The following LANCL2 variants were observed in gnomAD, a reference collection of about 807,000 sequenced individuals.
LANCL2 encodes lanC-like protein 2.
Under a neutral mutation model 56.9 loss-of-function variants are expected in LANCL2, and 33 were observed. That is an observed-to-expected ratio of 0.58 (90% confidence interval 0.44 to 0.78). The LOEUF is 0.78. Ranked by LOEUF, LANCL2 falls within the 30% of genes least tolerant of loss-of-function variation. The pLI is 0.00. For synonymous variants in LANCL2, 233 were observed against 228.2 expected (o/e 1.02, Z -0.19); for missense variants, 562 against 580.2 (o/e 0.97, Z 0.32).
intron 1 of LANCL2, chr7:55,379,822 A>C (rs1314226630): frequency 6.6e-6 from 1 of 152,444 alleles, no homozygotes; most frequent in Non-Finnish European, 1.5e-5. Context: ...GCAAATCCAG[A>C]AAGCATTGCT....
chr7:55,402,280 G>A (rs1281688321), intron 5 of LANCL2, among the ~76,000 whole-genome samples: 151 of 87,984 alleles, frequency 1.7e-3, no homozygotes, highest in Middle Eastern at 8.1e-3. Flanking sequence ...CGGACGGGGC[G>A]GCTGGCCGGG....
At chr7:55,411,876 T>C (rs1790473653) in intron 5 of LANCL2, 31 bp from the exon 6 acceptor site, 2 of 1,585,444 alleles carry the variant, frequency 1.3e-6, no homozygotes, top group Non-Finnish European at 1.7e-6. Context: ...TCAGAGAAAA[T>C]AATTTGTGTT....
In LANCL2 at chr7:55,366,097, C is replaced by A; in HGVS notation, c.72C>A (p.Phe24Leu). Reference sequence around the variant, plus strand: ...AGGCAGAAATGGAGGAACGGGCGTTCGTCAACCCCTTCCCGGACTACGAGG... The same window carrying A: ...AGGCAGAAATGGAGGAACGGGCGTTAGTCAACCCCTTCCCGGACTACGAGG... ...GGEAEMEERA[F>L]VNPFPDYEAA... Residue 24 changes from phenylalanine to leucine, a missense_variant, in exon 1 of 9, where the codon TTC (phenylalanine) becomes TTA (leucine). Physicochemically the swap from Phe to Leu is conservative, Grantham distance 22. Transcript: ENST00000254770. 6.5e-7 allele frequency: 1 copy of A among 1,538,764 alleles called. No homozygotes were observed. The highest frequency in any genetic ancestry group is 8.8e-7 in the Non-Finnish European group (1 of 1,138,740).
rs115910634 is a variant in LANCL2, at chr7:55,412,105, G to A, written c.1008+16G>A. On this transcript the variant is annotated intron_variant, in intron 6 of 8. Transcript: ENST00000254770. ...GGCGTACAAGGTCAGTGCTTCCGCC[G>A]TCACGGCCGTCCCCTGTGTGGGGAG... The A allele has an allele frequency of 1.1e-3, 1,809 of 1,602,570 alleles. 22 individuals carry two copies. In the African/African-American group the frequency reaches 0.021, roughly 18 times the overall value.
chr7:55,421,869 T>C (rs1467908367), intron 6 of LANCL2, among the ~76,000 whole-genome samples: 1 of 152,130 alleles, frequency 6.6e-6, no homozygotes, highest in Non-Finnish European at 1.5e-5. Flanking sequence ...ACTAATACAA[T>C]GTTAGAATTT....
At chr7:55,394,576 G>T (rs780472024) in intron 2 of LANCL2, among the ~76,000 whole-genome samples, 5 of 152,146 alleles carry the variant, frequency 3.3e-5, no homozygotes, top group Non-Finnish European at 7.3e-5. Context: ...AGAAGAAGAA[G>T]AATGAATGAA....
chr7:55,374,355 A>G (rs1207074182), intron 1 of LANCL2, among the ~76,000 whole-genome samples: 1 of 152,224 alleles, frequency 6.6e-6, no homozygotes, highest in Non-Finnish European at 1.5e-5. Flanking sequence ...AAATAAGAAA[A>G]CAGAAGCAGA....
At chr7:55,389,822 G>C (rs1161153910) in intron 1 of LANCL2, among the ~76,000 whole-genome samples, 3 of 152,220 alleles carry the variant, frequency 2.0e-5, no homozygotes, top group African/African-American at 7.2e-5. Flanking sequence ...CTTTCTGAGA[G>C]AGTCTCATTA....
chr7:55,384,444 TGGG>T (rs1417454404), intron 1 of LANCL2, among the ~76,000 whole-genome samples: 1 of 151,586 alleles, frequency 6.6e-6, no homozygotes, highest in African/African-American at 2.4e-5. Context: ...CCCAGCTACT[TGGG>T]GGGCTGAGGC....
At chr7:55,366,518 G>C (rs537276210) in intron 1 of LANCL2, among the ~76,000 whole-genome samples, 301 of 152,336 alleles carry the variant, frequency 2.0e-3, no homozygotes, top group African/African-American at 6.8e-3. Context: ...CGCAATGCGG[G>C]CTTGTGCACT....
intron 1 of LANCL2, among the ~76,000 whole-genome samples, chr7:55,373,962 G>C (rs1789973633): frequency 6.6e-6 from 1 of 152,146 alleles, no homozygotes; most frequent in Admixed American, 6.5e-5. Context: ...TTCTTTTTCA[G>C]AAAATGTTCC....
chr7:55,424,338 G>T (rs1181103157), intron 6 of LANCL2, among the ~76,000 whole-genome samples: 1 of 152,224 alleles, frequency 6.6e-6, no homozygotes, highest in Non-Finnish European at 1.5e-5. Flanking sequence ...AACTCAGGGA[G>T]GTGGTGCTTG....
intron 1 of LANCL2, among the ~76,000 whole-genome samples, chr7:55,387,300 C>T (rs1790136067): frequency 6.6e-6 from 1 of 152,076 alleles, no homozygotes; most frequent in South Asian, 2.1e-4. Context: ...TCCAGGAGTA[C>T]AGATTTAAGT....
chr7:55,425,365 G>T lies in LANCL2; in HGVS notation c.1120G>T (p.Gly374Cys), dbSNP rs753102544. The T allele has an allele frequency of 6.2e-7, 1 of 1,614,042 alleles. No homozygotes were observed. Reference protein sequence around the residue: ...YGICHGTAGNGYSFLSLYRLT... With the variant: ...YGICHGTAGNCYSFLSLYRLT... Reference sequence around the variant, plus strand: ...GATATGCCATGGGACTGCTGGCAACGGCTATTCCTTCCTGTCCCTTTACCG... The same window carrying T: ...GATATGCCATGGGACTGCTGGCAACTGCTATTCCTTCCTGTCCCTTTACCG... The change falls in exon 7 of 9, where the codon GGC becomes TGC. Residue 374 changes from glycine to cysteine, a missense_variant. This residue lies in a region of LANCL2 where 378 missense variants were observed against 468.4 expected (regional missense o/e 0.81). Transcript: ENST00000254770.
chr7:55,369,056 A>ATTGGTG (rs1789908001), intron 1 of LANCL2, among the ~76,000 whole-genome samples: 1 of 152,194 alleles, frequency 6.6e-6, no homozygotes, highest in African/African-American at 2.4e-5. Context: ...GGAGGCAGAG[A>ATTGGTG]TTGGAATTGC....
rs1790472842 is a variant in LANCL2 at position 55,411,803 on chromosome 7, C to CT, written c.826-97dup. The CT allele has an allele frequency of 1.3e-4, 144 of 1,129,474 alleles. 2 individuals are homozygous for CT. In the South Asian group the frequency reaches 2.1e-3, roughly 17 times the overall value. The allele number at this position is 1,129,474 out of a possible 1,614,324, so 70.0% of individuals were successfully genotyped here. ...GTTGAATGAATTCTAATTTTATGTG[C>CT]TTTTTTTGTTTTCCAGGTAATTGAT... is the stretch of plus-strand genomic sequence containing the variant. On this transcript the variant is annotated intron_variant, in intron 5 of 8. Transcript: ENST00000254770.
intron 1 of LANCL2, among the ~76,000 whole-genome samples, chr7:55,383,179 A>G (rs1490854812): frequency 2.0e-5 from 3 of 152,224 alleles, no homozygotes; most frequent in Admixed American, 6.5e-5. Context: ...TCACGCTGAT[A>G]TAGATAACAT....
In LANCL2 at chr7:55,428,462, A is replaced by G. The variant is rs1348944293; in HGVS notation, c.1258+15A>G. 2 of 1,609,026 alleles carry G rather than the reference A, an allele frequency of 1.2e-6. No homozygotes were observed. Among genetic ancestry groups the G allele is most frequent in the Non-Finnish European group, 1.7e-6 (2 of 1,175,432 alleles). ...GCTCTTTGAAGGTAAGAGTGAGAAA[A>G]ATGCTATAGATTAAATGTTTGGGTG... On this transcript the variant is annotated intron_variant, in intron 8 of 8. Transcript: ENST00000254770.
rs369475904 is a variant in LANCL2, at chr7:55,380,249, C to T, written c.205-11544C>T. ...AAAAATATATGCCTGTAAATATGCA[C>T]GTTGAAATCCTCTTTGGCACAATTG... is the stretch of plus-strand genomic sequence containing the variant. On this transcript the variant is annotated intron_variant, in intron 1 of 8. Transcript: ENST00000254770. Among the ~76,000 whole-genome samples the T allele has an allele frequency of 2.3e-4, 35 of 152,232 alleles. 1 individual carries two copies. The highest frequency in any genetic ancestry group is 2.3e-3 in the South Asian group (11 of 4,822).
Sources: allele counts gnomAD v4.1 joint callset (sites outside exome capture counted in the v4.1 genomes callset), GRCh38; gene constraint gnomAD v4.1.1; regional missense constraint gnomAD v4.1.1; transcripts MANE v1.5; gene names NCBI Gene and HGNC (gene_info 2026-07-23, HGNC 2026-07-21).